The following ANP32A variants were observed in gnomAD, a reference collection of about 807,000 sequenced individuals.
The protein encoded by ANP32A is acidic leucine-rich nuclear phosphoprotein 32 family member A.
In ANP32A, 1 loss-of-function variant was observed where a neutral mutation model predicts 33.9. The observed-to-expected ratio is 0.03, with a 90% confidence interval of 0.01 to 0.14. ANP32A has a LOEUF of 0.14. Among genes scored for constraint, ANP32A ranks in the 10% least tolerant of loss-of-function variants. The probability of loss-of-function intolerance (pLI) is 1.00; values close to 1 mark genes in which losing one functional copy is unlikely to be tolerated. For synonymous variants in ANP32A, 115 were observed against 120.5 expected, an observed-to-expected ratio of 0.95 and a Z score of 0.30; for missense variants, 155 against 306.0, an observed-to-expected ratio of 0.51 and a Z score of 3.68.
At chr15:68,793,825 G>A (rs1894029039) in intron 1 of ANP32A, among the ~76,000 whole-genome samples, 1 of 152,214 alleles carries the variant, frequency 6.6e-6, no homozygotes, top group Non-Finnish European at 1.5e-5. Flanking sequence ...TAAACCAAGT[G>A]CGTGCTGCAC....
At chr15:68,816,102 C>T (rs1459137604) in intron 1 of ANP32A, among the ~76,000 whole-genome samples, 1 of 152,138 alleles carries the variant, frequency 6.6e-6, no homozygotes, top group East Asian at 1.9e-4. Context: ...AATCCACAGC[C>T]CCTGGTCCTG....
At chr15:68,795,494 G>T (rs942535998) in intron 1 of ANP32A, among the ~76,000 whole-genome samples, 1 of 152,224 alleles carries the variant, frequency 6.6e-6, no homozygotes. Flanking sequence ...AGCCGCCGGC[G>T]CGGGGAGGGC....
At chr15:68,785,933 G>A (rs1893926170) in intron 3 of ANP32A, among the ~76,000 whole-genome samples, 1 of 152,134 alleles carries the variant, frequency 6.6e-6, no homozygotes. Context: ...CTTTTTCCTA[G>A]GAGACCAGTG....
rs1331353307 is a variant in ANP32A, at chr15:68,779,858, G to GA, written c.*222dup. ...AACCGGACACAAAGAAAAAGTAGGG[G>GA]AAAAAAATAAAGAGTGGCAGTAAAA... On this transcript the variant is annotated 3_prime_UTR_variant, in exon 7 of 7. Transcript: ENST00000465139. 4 of 534,276 alleles carry GA rather than the reference G, an allele frequency of 7.5e-6. No individual in the cohort carries two copies. The highest frequency in any genetic ancestry group is 5.5e-5 in the South Asian group (2 of 36,250). The allele number at this position is 534,276 out of a possible 1,614,324, so 33.1% of individuals were successfully genotyped here. A position where few individuals can be genotyped will look rare whatever the true frequency, so the allele number is the denominator to read the frequency against.
At chr15:68,818,709 G>T (rs1042096182) in intron 1 of ANP32A, among the ~76,000 whole-genome samples, 1 of 151,944 alleles carries the variant, frequency 6.6e-6, no homozygotes, top group Non-Finnish European at 1.5e-5. Flanking sequence ...GGTCGGGTTC[G>T]CCAGGCCAGC....
chr15:68,786,254 T>TC (rs778493262), intron 3 of ANP32A, among the ~76,000 whole-genome samples: 2 of 78,916 alleles, frequency 2.5e-5, no homozygotes, highest in African/African-American at 2.8e-4. Context: ...TGCTGCTGCT[T>TC]TTTTTTTTTT....
chr15:68,804,425 T>C (rs1469485561), intron 1 of ANP32A, among the ~76,000 whole-genome samples: 2 of 152,204 alleles, frequency 1.3e-5, no homozygotes, highest in Non-Finnish European at 2.9e-5. Context: ...TCTGTATAGA[T>C]TAAAGAATAA....
chr15:68,795,053 T>C lies in ANP32A; in HGVS notation c.55-7134A>G, dbSNP rs138474359. On this transcript the variant is annotated intron_variant, in intron 1 of 6. Transcript: ENST00000465139. The stretch of plus-strand genomic sequence containing the variant: ...AGTTGGGGCCAGAGTCACTGTGAGC[T>C]GGGCGATTCGTTTCCCTGCAGCACA... Among the ~76,000 whole-genome samples, 333 of 152,328 alleles carry C rather than the reference T, an allele frequency of 2.2e-3. 6 individuals are homozygous for C. Among genetic ancestry groups the C allele is most frequent in the African/African-American group, 5.1e-3 (211 of 41,584 alleles).
At chr15:68,797,739 C>G (rs1413047912) in intron 1 of ANP32A, among the ~76,000 whole-genome samples, 2 of 152,194 alleles carry the variant, frequency 1.3e-5, no homozygotes, top group Non-Finnish European at 2.9e-5. Context: ...AATTTTACCC[C>G]TTCTGTCCCT....
intron 5 of ANP32A, among the ~76,000 whole-genome samples, chr15:68,782,165 T>C (rs556155748): frequency 6.6e-6 from 1 of 152,314 alleles, no homozygotes; most frequent in South Asian, 2.1e-4. Context: ...AAAATGACTC[T>C]GCTACAGAGA....
chr15:68,818,276 TG>T, intron 1 of ANP32A: 1 of 273,584 alleles, frequency 3.7e-6, no homozygotes. Context: ...CGTCGCGGCA[TG>T]GCCACCAGCT....
At chr15:68,819,845 C>T (rs899980037) in intron 1 of ANP32A, among the ~76,000 whole-genome samples, 2 of 152,204 alleles carry the variant, frequency 1.3e-5, no homozygotes, top group Non-Finnish European at 2.9e-5. Flanking sequence ...AAATCCCTCC[C>T]CCTCCTTCTA....
At position 68,808,923 on chromosome 15, in the gene ANP32A, T is replaced by C. The variant is rs528411741; in HGVS notation, c.54+11775A>G. Among the ~76,000 whole-genome samples, 5 of 152,336 alleles carry C rather than the reference T, an allele frequency of 3.3e-5. No homozygotes were observed. The East Asian group carries it at 9.6e-4, about 29-fold the overall frequency. On this transcript the variant is annotated intron_variant, in intron 1 of 6. Transcript: ENST00000465139. ...CGGGCCTCTCTCTTTCAAGCTTCAC[T>C]GTGCACCTCTGTCTCTGCCCTTCCA...
At chr15:68,790,920 G>A (rs1042081571) in intron 1 of ANP32A, 1 of 152,252 alleles carries the variant, frequency 6.6e-6, no homozygotes, top group Non-Finnish European at 1.5e-5. Context: ...TCAGAAGCAA[G>A]CTCTGTGAAT....
chr15:68,798,601 C>A (rs1019153110), intron 1 of ANP32A, among the ~76,000 whole-genome samples: 2 of 152,180 alleles, frequency 1.3e-5, no homozygotes, highest in Non-Finnish European at 2.9e-5. Flanking sequence ...TCTCAAGACT[C>A]CAAACTTAGG....
chr15:68,792,197 A>G (rs1894006342), intron 1 of ANP32A: 1 of 152,096 alleles, frequency 6.6e-6, no homozygotes, highest in Non-Finnish European at 1.5e-5. Context: ...CAAAGTTAAA[A>G]TTAAACTGAA....
intron 1 of ANP32A, among the ~76,000 whole-genome samples, chr15:68,799,089 T>A (rs1389899406): frequency 6.6e-6 from 1 of 152,272 alleles, no homozygotes; most frequent in African/African-American, 2.4e-5. Flanking sequence ...GTGTGAAATG[T>A]GCAGCTTCCT....
chr15:68,818,037 A>C (rs1468875251), intron 1 of ANP32A, among the ~76,000 whole-genome samples: 2 of 152,124 alleles, frequency 1.3e-5, no homozygotes, highest in Non-Finnish European at 2.9e-5. Flanking sequence ...TAGCCGTTAA[A>C]AAAAATAAAT....
At chr15:68,807,519 G>C (rs551814270) in intron 1 of ANP32A, among the ~76,000 whole-genome samples, 54 of 150,728 alleles carry the variant, frequency 3.6e-4, no homozygotes, top group Non-Finnish European at 7.4e-4. Context: ...GGGGCAGGCC[G>C]AGACAGCTCT....
Sources: gnomAD v4.1 joint callset for allele counts (sites outside exome capture counted in the v4.1 genomes callset) on GRCh38, gnomAD v4.1.1 for gene constraint, MANE v1.5 for transcripts, NCBI Gene and HGNC (gene_info 2026-07-23, HGNC 2026-07-21) for gene names.